The following CA2 variants were observed in gnomAD, a reference collection of about 807,000 sequenced individuals.
The protein encoded by CA2 is carbonate dehydratase II.
Under a neutral mutation model 27.8 loss-of-function variants are expected in CA2, and 23 were observed. The ratio of observed to expected loss-of-function variants is 0.83; its 90% CI spans 0.59 to 1.17. The LOEUF is 1.17. CA2 is among the 50% of genes most tolerant of loss of function. The pLI, the probability that CA2 is intolerant of heterozygous loss-of-function variation, is 0.00. For missense variants in CA2, 300 were observed against 314.7 expected, an observed-to-expected ratio of 0.95 and a Z score of 0.35; for synonymous variants, 99 against 114.9, an observed-to-expected ratio of 0.86 and a Z score of 0.88.
rs1283787902 is a variant in CA2 at position 85,471,878 on chromosome 8, T to G, written c.233-1815T>G. On this transcript the variant is annotated intron_variant, in intron 2 of 6. Transcript: ENST00000285379. ...CTTATAGAATTGTCAGGAAACAAAC[T>G]GTTGTAATAAGTTGTTTTTGTGTTC... Among the ~76,000 whole-genome samples the G allele has an allele frequency of 2.0e-5, 3 of 152,314 alleles. No homozygotes were observed. In the East Asian group the frequency reaches 5.8e-4, roughly 29 times the overall value.
At chr8:85,478,396 G>A (rs1332875263) in intron 6 of CA2, among the ~76,000 whole-genome samples, 1 of 152,186 alleles carries the variant, frequency 6.6e-6, no homozygotes, top group East Asian at 1.9e-4. Flanking sequence ...ATTTGAGTAA[G>A]CTTCTTGAAG....
Position 85,468,412 on chromosome 8 carries a change from T to G in CA2, c.232+2943T>G, listed in dbSNP as rs143209513. Among the ~76,000 whole-genome samples, 255 of 152,298 alleles carry G rather than the reference T, an allele frequency of 1.7e-3. 1 individual carries two copies. The highest frequency in any genetic ancestry group is 6.0e-3 in the African/African-American group (251 of 41,552). ...GGTTAAACAAGAATGCAGAATATAT[T>G]AAAATGTCAATATTAAGAGAAAAGA... On this transcript the variant is annotated intron_variant, in intron 2 of 6. Transcript: ENST00000285379.
At chr8:85,480,294 T>C (rs115844480) in intron 6 of CA2, among the ~76,000 whole-genome samples, 1,792 of 152,342 alleles carry the variant, frequency 0.012, 42 homozygotes, top group African/African-American at 0.041. Context: ...AGCCTTGCTC[T>C]GTCGCCTAGG....
intron 6 of CA2, 100 bp from the exon 7 acceptor site, chr8:85,480,570 A>G (rs933242834): frequency 7.4e-6 from 9 of 1,211,988 alleles, no homozygotes; most frequent in African/African-American, 1.5e-5. Flanking sequence ...GGCATGAGCC[A>G]CTGCGCCTGG....
rs1439025632 is a variant in CA2, at chr8:85,474,363, G to A, written c.391G>A (p.Gly131Arg). ...CTGGAACACCAAATATGGGGATTTT[G>A]GGAAAGCTGTGCAGCAACCTGATGG... ...VHWNTKYGDF[G>R]KAVQQPDGLA... The change falls in exon 4 of 7, where the codon GGG (glycine) becomes AGG (arginine). Residue 131 changes from glycine (G) to arginine (R), a missense_variant. By Grantham distance (125) the Gly-to-Arg change is moderately radical. Coordinates refer to ENST00000285379, the MANE Select transcript of CA2 (RefSeq NM_000067.3). The A allele has an allele frequency of 6.2e-7, 1 of 1,614,096 alleles. No homozygotes were observed. The highest frequency in any genetic ancestry group is 8.5e-7 in the Non-Finnish European group (1 of 1,179,988).
At chr8:85,467,108 A>T (rs1389901116) in intron 2 of CA2, among the ~76,000 whole-genome samples, 1 of 152,236 alleles carries the variant, frequency 6.6e-6, no homozygotes, top group Non-Finnish European at 1.5e-5. Context: ...GGATAGTTTA[A>T]GTCTTTTTTG....
intron 2 of CA2, among the ~76,000 whole-genome samples, chr8:85,472,741 G>A (rs978627565): frequency 2.0e-5 from 3 of 151,974 alleles, no homozygotes. Context: ...CTGTAATCCC[G>A]GCACTTTAGG....
chr8:85,464,013 T>A lies in CA2; in HGVS notation c.-69T>A. The A allele has an allele frequency of 6.7e-7, 1 of 1,485,116 alleles. No homozygotes were observed. The highest frequency in any genetic ancestry group is 2.0e-5 in the Admixed American group (1 of 50,698). The allele number at this position is 1,485,116 out of a possible 1,614,324, so 92.0% of individuals were successfully genotyped here. ...GCCGGCGCGACCCGCGGACACACAG[T>A]GCAGGCGCCCAAGCCGCCGCCGCCA... On this transcript the variant is annotated 5_prime_UTR_variant, in exon 1 of 7. Transcript: ENST00000285379.
intron 2 of CA2, 24 bp downstream of exon 2, chr8:85,465,493 T>A: frequency 1.3e-6 from 2 of 1,591,924 alleles, no homozygotes; most frequent in Admixed American, 3.4e-5. Context: ...AAATAACTTG[T>A]GTCTTTTAGC....
At chr8:85,467,745 G>T (rs141694903) in intron 2 of CA2, among the ~76,000 whole-genome samples, 171 of 152,050 alleles carry the variant, frequency 1.1e-3, no homozygotes, top group African/African-American at 3.9e-3. Context: ...TTCTCTATAA[G>T]CAGTAACTAA....
At chr8:85,465,544 A>G (rs1001786944) in intron 2 of CA2, 75 bp downstream of exon 2, 19 of 1,163,982 alleles carry the variant, frequency 1.6e-5, no homozygotes, top group Non-Finnish European at 1.9e-5. Flanking sequence ...AGCCAGGAAC[A>G]GTGGCAGGAA....
chr8:85,474,618 T>C (rs939659273), intron 4 of CA2: 22 of 588,426 alleles, frequency 3.7e-5, no homozygotes, highest in East Asian at 2.4e-4. Context: ...GAGGTACTTA[T>C]TTGGTACCTT....
intron 4 of CA2, 44 bp downstream of exon 4, chr8:85,474,460 A>C: frequency 7.6e-7 from 1 of 1,317,158 alleles, no homozygotes; most frequent in African/African-American, 1.4e-5. Context: ...TTTTTAATAA[A>C]GAATGACCAG....
chr8:85,475,678 T>A (rs1222125929), intron 4 of CA2, 120 bp from the exon 5 acceptor site: 5 of 831,144 alleles, frequency 6.0e-6, no homozygotes, highest in Non-Finnish European at 8.2e-6. Flanking sequence ...GGGTCATGTA[T>A]GAAGTGGAGA....
At position 85,464,040 on chromosome 8, in the gene CA2, A is replaced by G. The variant is rs772237919; in HGVS notation, c.-42A>G. 5.2e-6 allele frequency: 8 copies of G among 1,539,664 alleles called. No homozygotes were observed. In the South Asian group the frequency reaches 7.1e-5, roughly 14 times the overall value. On this transcript the variant is annotated 5_prime_UTR_variant, in exon 1 of 7. Transcript: ENST00000285379. Reference sequence around the variant, plus strand: ...CAGGCGCCCAAGCCGCCGCCGCCAGATCGGTGCCGATTCCTGCCCTGCCCC... The same window carrying G: ...CAGGCGCCCAAGCCGCCGCCGCCAGGTCGGTGCCGATTCCTGCCCTGCCCC...
At chr8:85,470,404 A>C (rs934906839) in intron 2 of CA2, among the ~76,000 whole-genome samples, 1 of 152,170 alleles carries the variant, frequency 6.6e-6, no homozygotes, top group Non-Finnish European at 1.5e-5. Context: ...TATTAGTAGG[A>C]AATCATTTAA....
intron 3 of CA2, 72 bp from the exon 4 acceptor site, chr8:85,474,252 A>G (rs1811753324): frequency 2.8e-6 from 3 of 1,071,110 alleles, no homozygotes; most frequent in Non-Finnish European, 2.9e-6. Flanking sequence ...TGTGAGAAAA[A>G]GACCATTGAA....
chr8:85,469,802 CTG>C (rs1811688258), intron 2 of CA2, among the ~76,000 whole-genome samples: 1 of 151,470 alleles, frequency 6.6e-6, no homozygotes, highest in Admixed American at 6.6e-5. Flanking sequence ...TTTTTTAAAT[CTG>C]TTTGTTATTT....
Position 85,464,007 on chromosome 8 carries a change from A to T in CA2, c.-75A>T. 1 of 1,454,138 alleles carries T rather than the reference A, an allele frequency of 6.9e-7. No individual in the cohort carries two copies. Among genetic ancestry groups the T allele is most frequent in the Admixed American group, 2.0e-5 (1 of 50,544 alleles). 90.1% of individuals were successfully genotyped at this position (1,454,138 alleles called of 1,614,324 possible). ...GCTGGTGCCGGCGCGACCCGCGGACACACAGTGCAGGCGCCCAAGCCGCCG... is the reference window on the plus strand; with the variant it reads ...GCTGGTGCCGGCGCGACCCGCGGACTCACAGTGCAGGCGCCCAAGCCGCCG... On this transcript the variant is annotated 5_prime_UTR_variant, in exon 1 of 7. Coordinates refer to ENST00000285379, the MANE Select transcript of CA2 (RefSeq NM_000067.3).
Sources: allele counts gnomAD v4.1 joint callset (sites outside exome capture counted in the v4.1 genomes callset), GRCh38; gene constraint gnomAD v4.1.1; transcripts MANE v1.5; gene names NCBI Gene and HGNC (gene_info 2026-07-23, HGNC 2026-07-21).